The following ASTE1 variants were observed in gnomAD, a reference collection of about 807,000 sequenced individuals.
The protein encoded by ASTE1 is asteroid structure-specific endonuclease 1.
Under a neutral mutation model 45.8 loss-of-function variants are expected in ASTE1, and 49 were observed. The ratio of observed to expected loss-of-function variants is 1.07; its 90% CI spans 0.85 to 1.36. The LOEUF (loss-of-function observed/expected upper bound fraction) is 1.36, where lower values mean the gene tolerates loss of function less well. ASTE1 is among the 40% of genes most tolerant of loss of function. ASTE1 has a pLI of 0.00. For synonymous variants in ASTE1, 296 were observed against 303.9 expected (o/e 0.97, Z 0.27); for missense variants, 709 against 804.0 (o/e 0.88, Z 1.43).
Position 131,024,322 on chromosome 3 carries a change from C to T in ASTE1, c.985G>A (p.Val329Ile), listed in dbSNP as rs775998053. 9 of 1,614,100 alleles carry T rather than the reference C, an allele frequency of 5.6e-6. No individual in the cohort carries two copies. Among genetic ancestry groups the T allele is most frequent in the Non-Finnish European group, 7.6e-6 (9 of 1,180,050 alleles). ...DALNLGLPEW[V>I]LVALAKGQLS... ...TGGCCTTTAGCTAAAGCCACTAATA[C>T]CCATTCTGGTAAACCAAGATTCAAG... Residue 329 changes from valine to isoleucine, a missense_variant, in exon 3 of 6, where the codon GTA (valine) becomes ATA (isoleucine). Val to Ile is a conservative substitution (Grantham distance 29). Transcript: ENST00000264992.
chr3:131,023,534 T>C (rs1040178795), intron 3 of ASTE1, among the ~76,000 whole-genome samples: 2 of 152,140 alleles, frequency 1.3e-5, no homozygotes, highest in Admixed American at 1.3e-4. Flanking sequence ...AAAAAAGGTA[T>C]TCATTAATAA....
At chr3:131,014,413 T>C (rs2063489594) in intron 5 of ASTE1, 26 bp from the exon 6 acceptor site, 2 of 1,538,028 alleles carry the variant, frequency 1.3e-6, no homozygotes, top group Non-Finnish European at 1.7e-6. Flanking sequence ...AAAAAGTATG[T>C]TGTTAAAGAA....
intron 3 of ASTE1, among the ~76,000 whole-genome samples, chr3:131,021,913 CATT>C (rs1422675845): frequency 6.6e-6 from 1 of 152,136 alleles, no homozygotes. Context: ...TTCAGCAAAA[CATT>C]AATAATGTAG....
At chr3:131,020,693 A>T (rs971008120) in intron 3 of ASTE1, among the ~76,000 whole-genome samples, 5 of 152,246 alleles carry the variant, frequency 3.3e-5, no homozygotes, top group Admixed American at 1.3e-4. Context: ...TGTGTTTGGA[A>T]TCACATGAGC....
chr3:131,018,866 C>CA (rs1430417012), intron 3 of ASTE1, 150 bp from the exon 4 acceptor site: 6 of 747,760 alleles, frequency 8.0e-6, no homozygotes, highest in Non-Finnish European at 1.3e-5. Context: ...CAGCCACACT[C>CA]ACAGCATTTA....
chr3:131,016,042 G>GT (rs1491240724), intron 5 of ASTE1, 102 bp downstream of exon 5: 17 of 1,295,434 alleles, frequency 1.3e-5, no homozygotes, highest in Middle Eastern at 1.8e-4. Flanking sequence ...TTTTTGTTTT[G>GT]GTTTTTTTTT....
chr3:131,017,328 T>C (rs752576644), intron 4 of ASTE1, among the ~76,000 whole-genome samples: 5 of 152,234 alleles, frequency 3.3e-5, no homozygotes, highest in Non-Finnish European at 5.9e-5. Flanking sequence ...ATCTAACTTA[T>C]TAAAATAGTA....
chr3:131,017,056 G>T (rs2063657330), intron 4 of ASTE1: 2 of 1,289,152 alleles, frequency 1.6e-6, no homozygotes, highest in Non-Finnish European at 2.0e-6. Flanking sequence ...TTTCCTAAAA[G>T]AAAAGAAACA....
Position 131,018,387 on chromosome 3 carries a change from G to C in ASTE1, c.1513+119C>G, listed in dbSNP as rs796424191. ...GATATTTTGGTGCCTCCACATCTAA[G>C]TTGTGATACAATTAATGGGAGTAAA... On this transcript the variant is annotated intron_variant, in intron 4 of 5. Coordinates refer to ENST00000264992, the MANE Select transcript of ASTE1 (RefSeq NM_014065.4). 1.5e-5 allele frequency: 15 copies of C among 1,006,792 alleles called. No individual in the cohort carries two copies. The African/African-American group carries it at 2.3e-4, about 15-fold the overall frequency. 62.4% of individuals were successfully genotyped at this position (1,006,792 alleles called of 1,614,324 possible).
At position 131,014,144 on chromosome 3, in the gene ASTE1, G is replaced by C. The variant is rs781599752; in HGVS notation, c.1953C>G (p.Thr651=). The change falls in exon 6 of 6, where the codon ACC becomes ACG. Residue 651 remains threonine (T), a synonymous_variant. Transcript: ENST00000264992. ...GGTTGTTTCCCTCATACCAACACTT[G>C]GTGTGTGCAGTGGTTCTCCCTCTGT... ...SKNRGRTTAH[T]KCWYEGNNRF... 6.2e-7 allele frequency: 1 copy of C among 1,613,386 alleles called. No homozygotes were observed. The highest frequency in any genetic ancestry group is 2.2e-5 in the East Asian group (1 of 44,870).
chr3:131,022,236 T>C (rs866773674), intron 3 of ASTE1, among the ~76,000 whole-genome samples: 1 of 152,178 alleles, frequency 6.6e-6, no homozygotes, highest in Non-Finnish European at 1.5e-5. Context: ...CTGGATCCTA[T>C]AGGGAACGGG....
chr3:131,020,146 C>T (rs1376164251), intron 3 of ASTE1, among the ~76,000 whole-genome samples: 3 of 152,128 alleles, frequency 2.0e-5, no homozygotes, highest in African/African-American at 7.2e-5. Flanking sequence ...CTGCACTAAC[C>T]CTATGGCTTT....
At chr3:131,022,464 T>C (rs1207566910) in intron 3 of ASTE1, among the ~76,000 whole-genome samples, 1 of 151,862 alleles carries the variant, frequency 6.6e-6, no homozygotes, top group Non-Finnish European at 1.5e-5. Context: ...CTTGAGTAGC[T>C]GTACCACCAT....
rs1337572326 is a variant in ASTE1, at chr3:131,024,223, G to A, written c.1084C>T (p.Gln362Ter). Residue 362 changes from glutamine to a stop codon, truncating the protein, a stop_gained, in exon 3 of 6, where the codon CAA (glutamine) becomes TAA (stop). Coordinates refer to ENST00000264992, the MANE Select transcript of ASTE1 (RefSeq NM_014065.4). LOFTEE classifies it high-confidence loss of function. ...ILPTQVENMQ[Q>*]PNAHRISQPI... ...TGAGATATTCTGTGGGCATTTGGTT[G>A]CTGCATGTTTTCCACCTGTGTGGGA... is the stretch of plus-strand genomic sequence containing the variant. 1 of 1,614,222 alleles carries A rather than the reference G, an allele frequency of 6.2e-7. No individual in the cohort carries two copies. Among genetic ancestry groups the A allele is most frequent in the Non-Finnish European group, 8.5e-7 (1 of 1,180,026 alleles).
chr3:131,017,075 A>C (rs963570857), intron 4 of ASTE1: 1 of 1,286,890 alleles, frequency 7.8e-7, no homozygotes, highest in Middle Eastern at 2.1e-4. Context: ...CAGACCCTTG[A>C]CATGCCCCTT....
At chr3:131,021,647 G>C (rs377392891) in intron 3 of ASTE1, among the ~76,000 whole-genome samples, 2 of 152,212 alleles carry the variant, frequency 1.3e-5, no homozygotes, top group African/African-American at 4.8e-5. Context: ...CATGCTGTAC[G>C]ATTATTTGGG....
At chr3:131,023,608 T>A (rs555493475) in intron 3 of ASTE1, among the ~76,000 whole-genome samples, 55 of 152,348 alleles carry the variant, frequency 3.6e-4, no homozygotes, top group African/African-American at 1.3e-3. Context: ...TAGTCTGAGA[T>A]GTTGTGCCTA....
At chr3:131,019,660 C>G (rs1271625594) in intron 3 of ASTE1, among the ~76,000 whole-genome samples, 1 of 152,182 alleles carries the variant, frequency 6.6e-6, no homozygotes, top group African/African-American at 2.4e-5. Context: ...TGTCTGCACA[C>G]AGCCAGAAAA....
rs938990942 is a variant in ASTE1 at position 131,026,644 on chromosome 3, C to T, written c.-284G>A. The T allele has an allele frequency of 1.3e-5, 2 of 152,376 alleles. No homozygotes were observed. The highest frequency in any genetic ancestry group is 2.9e-5 in the Non-Finnish European group (2 of 68,172). The allele number at this position is 152,376 out of a possible 1,614,324, so 9.4% of individuals were successfully genotyped here. ...TGTGACGTCTCTGGGAAGTACAGTTCCGTGATGCCGGTGGCGCCAGACTGA... is the reference window on the plus strand; with the variant it reads ...TGTGACGTCTCTGGGAAGTACAGTTTCGTGATGCCGGTGGCGCCAGACTGA... On this transcript the variant is annotated 5_prime_UTR_variant, in exon 1 of 6. Coordinates refer to ENST00000264992, the MANE Select transcript of ASTE1 (RefSeq NM_014065.4).
Sources: allele counts gnomAD v4.1 joint callset (sites outside exome capture counted in the v4.1 genomes callset), GRCh38; gene constraint gnomAD v4.1.1; transcripts MANE v1.5; gene names NCBI Gene and HGNC (gene_info 2026-07-23, HGNC 2026-07-21).